Variants in ADARB2 observed in about 807,000 individuals in gnomAD.
ADARB2 encodes inactive double-stranded RNA-specific editase B2.
ADARB2 carries 25 observed loss-of-function variants against 62.2 expected under a neutral mutation model. The observed-to-expected ratio is 0.40, with a 90% CI of 0.29 to 0.56. The LOEUF is 0.56. Ranked by LOEUF, ADARB2 falls within the 20% of genes least tolerant of loss-of-function variation. The pLI is 0.43. For synonymous variants in ADARB2, 572 were observed against 500.8 expected (o/e 1.14, Z -1.90); for missense variants, 1,071 against 1,077.4 (o/e 0.99, Z 0.08).
At chr10:1,563,377 C>T (rs1208469946) in intron 1 of ADARB2, among the ~76,000 whole-genome samples, 1 of 152,128 alleles carries the variant, frequency 6.6e-6, no homozygotes, top group Admixed American at 6.5e-5. Flanking sequence ...CTAAGGTGCT[C>T]ATGTGTGTCC....
At chr10:1,520,737 C>G (rs1200423648) in intron 1 of ADARB2, among the ~76,000 whole-genome samples, 1 of 152,184 alleles carries the variant, frequency 6.6e-6, no homozygotes, top group African/African-American at 2.4e-5. Context: ...TATGTATCAC[C>G]TCCTATGATA....
intron 3 of ADARB2, among the ~76,000 whole-genome samples, chr10:1,346,874 A>G (rs1832085760): frequency 6.6e-6 from 1 of 152,260 alleles, no homozygotes; most frequent in African/African-American, 2.4e-5. Flanking sequence ...TATAAGCTCC[A>G]GTTTTGGGCA....
At chr10:1,246,374 G>T (rs1830986654) in intron 4 of ADARB2, among the ~76,000 whole-genome samples, 1 of 130,110 alleles carries the variant, frequency 7.7e-6, no homozygotes, top group African/African-American at 2.9e-5. Context: ...GTCTTTTGTT[G>T]CCATTGCTGT....
intron 5 of ADARB2, 87 bp from the exon 6 acceptor site, chr10:1,233,932 A>G: frequency 9.3e-7 from 1 of 1,073,432 alleles, no homozygotes; most frequent in Non-Finnish European, 1.3e-6. Context: ...CCTGTTTTGT[A>G]GAGTTGTTCC....
At chr10:1,439,534 C>T (rs901977734) in intron 1 of ADARB2, among the ~76,000 whole-genome samples, 1 of 122,646 alleles carries the variant, frequency 8.2e-6, no homozygotes, top group African/African-American at 2.8e-5. Context: ...GATGGGGCTC[C>T]TGAGTCTCCT....
At chr10:1,717,887 T>C (rs1037339147) in intron 1 of ADARB2, among the ~76,000 whole-genome samples, 1 of 152,214 alleles carries the variant, frequency 6.6e-6, no homozygotes, top group Non-Finnish European at 1.5e-5. Context: ...CACCAGTCTT[T>C]CAATATGTAT....
intron 5 of ADARB2, chr10:1,240,386 C>G (rs144357870): frequency 6.5e-6 from 1 of 152,742 alleles, no homozygotes; most frequent in Non-Finnish European, 1.5e-5. Flanking sequence ...GGCCATCTAC[C>G]TTCTGCCGGT....
chr10:1,265,473 A>G (rs897010040), intron 4 of ADARB2, among the ~76,000 whole-genome samples: 2 of 152,264 alleles, frequency 1.3e-5, no homozygotes, highest in Non-Finnish European at 2.9e-5. Context: ...GGGAGGGAAC[A>G]ACGCTGAACT....
intron 1 of ADARB2, among the ~76,000 whole-genome samples, chr10:1,533,172 G>T (rs184611036): frequency 4.2e-4 from 63 of 151,634 alleles, no homozygotes; most frequent in African/African-American, 1.5e-3. Context: ...AGGCTGGAGT[G>T]CAGTGGGGTG....
intron 1 of ADARB2, among the ~76,000 whole-genome samples, chr10:1,430,460 A>T (rs892721545): frequency 7.9e-5 from 12 of 152,258 alleles, no homozygotes; most frequent in African/African-American, 2.9e-4. Flanking sequence ...GTGGATTTTT[A>T]AAAAACCCAC....
chr10:1,365,735 C>A (rs1383004192), intron 2 of ADARB2, among the ~76,000 whole-genome samples: 1 of 152,230 alleles, frequency 6.6e-6, no homozygotes, highest in African/African-American at 2.4e-5. Flanking sequence ...GAAACACACA[C>A]CTTACTCAGC....
At chr10:1,608,889 G>C (rs1174371980) in intron 1 of ADARB2, among the ~76,000 whole-genome samples, 1 of 152,118 alleles carries the variant, frequency 6.6e-6, no homozygotes, top group Non-Finnish European at 1.5e-5. Flanking sequence ...CCGCATTGCC[G>C]GCCCTCTGTC....
At position 1,687,029 on chromosome 10, in the gene ADARB2, C is replaced by CTTT. The variant is rs397952487; in HGVS notation, c.100+50019_100+50021dup. On this transcript the variant is annotated intron_variant, in intron 1 of 9. Transcript: ENST00000381312. The stretch of plus-strand genomic sequence containing the variant: ...TGCCTCCCATGGGTCATGACATTGC[C>CTTT]TTTTTTTTTTTTTTTTTTGACAAGT... Among the ~76,000 whole-genome samples, 540 of 128,970 alleles carry CTTT rather than the reference C, an allele frequency of 4.2e-3. 15 individuals are homozygous for CTTT. Among genetic ancestry groups the CTTT allele is most frequent in the East Asian group, 5.8e-3 (26 of 4,514 alleles). The allele number at this position is 128,970 out of a possible 152,430, so 84.6% of individuals were successfully genotyped here.
chr10:1,425,094 G>T (rs1453987605), intron 1 of ADARB2, among the ~76,000 whole-genome samples: 1 of 152,214 alleles, frequency 6.6e-6, no homozygotes, highest in Admixed American at 6.5e-5. Context: ...AGAGAAGGGG[G>T]TGGTCAGAAT....
At chr10:1,587,112 T>G (rs953376305) in intron 1 of ADARB2, among the ~76,000 whole-genome samples, 2 of 152,240 alleles carry the variant, frequency 1.3e-5, no homozygotes, top group Non-Finnish European at 2.9e-5. Flanking sequence ...ACCGCTTGTA[T>G]ACTCATTTCC....
intron 2 of ADARB2, among the ~76,000 whole-genome samples, chr10:1,365,400 A>G (rs988761756): frequency 3.3e-5 from 5 of 152,138 alleles, no homozygotes; most frequent in East Asian, 1.9e-4. Context: ...AGAAGCCCCA[A>G]TATTGAAATT....
chr10:1,286,635 C>G (rs1003038043), intron 3 of ADARB2, among the ~76,000 whole-genome samples: 1 of 152,186 alleles, frequency 6.6e-6, no homozygotes, highest in Admixed American at 6.5e-5. Flanking sequence ...CACCTTCCCC[C>G]AGCTGCATGA....
At chr10:1,261,435 A>G (rs1831135313) in intron 4 of ADARB2, among the ~76,000 whole-genome samples, 1 of 149,458 alleles carries the variant, frequency 6.7e-6, no homozygotes, top group Non-Finnish European at 1.5e-5. Context: ...AGAATCTACA[A>G]TGAACTCAAA....
intron 1 of ADARB2, among the ~76,000 whole-genome samples, chr10:1,407,187 G>A (rs7086427): frequency 0.018 from 2,741 of 152,236 alleles, 82 homozygotes; most frequent in African/African-American, 0.061. Context: ...CAGACCGAGC[G>A]GACCCCATAC....
Sources: allele counts gnomAD v4.1 joint callset (sites outside exome capture counted in the v4.1 genomes callset), GRCh38; gene constraint gnomAD v4.1.1; transcripts MANE v1.5; gene names NCBI Gene and HGNC (gene_info 2026-07-23, HGNC 2026-07-21).